The following LRGUK variants were observed in gnomAD, a reference collection of about 807,000 sequenced individuals.
LRGUK encodes leucine-rich repeat and guanylate kinase domain-containing protein.
Under a neutral mutation model 76.0 loss-of-function variants are expected in LRGUK, and 65 were observed. That is an observed-to-expected ratio of 0.85 (90% CI 0.70 to 1.05). The LOEUF is 1.05. Among genes scored for constraint, LRGUK ranks in the 50% least tolerant of loss-of-function variants. The probability of loss-of-function intolerance (pLI) is 0.00; values close to 1 mark genes in which losing one functional copy is unlikely to be tolerated. For synonymous variants in LRGUK, 268 were observed against 265.6 expected, an observed-to-expected ratio of 1.01 and a Z score of -0.09; for missense variants, 758 against 732.8, an observed-to-expected ratio of 1.03 and a Z score of -0.40.
intron 7 of LRGUK, among the ~76,000 whole-genome samples, chr7:134,174,181 G>A (rs1799384590): frequency 6.6e-6 from 1 of 151,972 alleles, no homozygotes; most frequent in Admixed American, 6.6e-5. Flanking sequence ...AAGGAAGTTG[G>A]GGGGCTGGAA....
chr7:134,262,896 G>A (rs543984846), intron 19 of LRGUK, among the ~76,000 whole-genome samples: 17 of 150,178 alleles, frequency 1.1e-4, no homozygotes, highest in Non-Finnish European at 2.5e-4. Context: ...ATTTGAACCC[G>A]GGAGGTGGAG....
rs2116942900 is a variant in LRGUK at position 134,165,689 on chromosome 7, C to A, written c.939+2149C>A. Among the ~76,000 whole-genome samples the A allele has an allele frequency of 2.6e-5, 4 of 152,238 alleles. No homozygotes were observed. In the Middle Eastern group the frequency reaches 0.014, roughly 518 times the overall value. ...TTGTTTCATACTAAGTTTCTGACAT[C>A]CAGTGTGTATTTTACACTTAAAGTA... On this transcript the variant is annotated intron_variant, in intron 7 of 15. Transcript: ENST00000645682.
At position 134,177,142 on chromosome 7, in the gene LRGUK, C is replaced by G. The variant is rs895693194; in HGVS notation, c.1107+79C>G. On this transcript the variant is annotated intron_variant, in intron 9 of 15. Coordinates refer to ENST00000645682, the Ensembl canonical transcript of LRGUK. ...AAGCTCGTGTTGCCTGCTGTGGAAG[C>G]AATATAATCAATAAATAAGACACAT... The G allele has an allele frequency of 1.9e-5, 14 of 750,082 alleles. No individual in the cohort carries two copies. In the Admixed American group the frequency reaches 2.9e-4, roughly 15 times the overall value. 46.5% of individuals were successfully genotyped at this position (750,082 alleles called of 1,614,324 possible). A position where few individuals can be genotyped will look rare whatever the true frequency, so the allele number is the denominator to read the frequency against.
chr7:134,128,952 T>C (rs1403272197), intron 1 of LRGUK, among the ~76,000 whole-genome samples: 1 of 152,242 alleles, frequency 6.6e-6, no homozygotes, highest in Admixed American at 6.5e-5. Flanking sequence ...AAGTTTTCTT[T>C]AGGTTTTTTC....
intron 13 of LRGUK, among the ~76,000 whole-genome samples, chr7:134,197,401 C>CA (rs1488009312): frequency 2.0e-5 from 3 of 152,216 alleles, no homozygotes; most frequent in African/African-American, 7.2e-5. Flanking sequence ...AGAAATTGCA[C>CA]AGATATTGTG....
chr7:134,246,944 T>C (rs1802317831), intron 16 of LRGUK, among the ~76,000 whole-genome samples: 1 of 152,314 alleles, frequency 6.6e-6, no homozygotes, highest in African/African-American at 2.4e-5. Flanking sequence ...CATCCTCTGT[T>C]ATTTATAAAA....
exon 7 of LRGUK, chr7:134,163,431 A>G: frequency 6.2e-7 from 1 of 1,613,668 alleles, no homozygotes; most frequent in Non-Finnish European, 8.5e-7. Context: ...ACAGGTTTGG[A>G]GGATCTGAAA....
chr7:134,190,402 C>T (rs1408119574), intron 11 of LRGUK, among the ~76,000 whole-genome samples: 1 of 152,098 alleles, frequency 6.6e-6, no homozygotes, highest in African/African-American at 2.4e-5. Flanking sequence ...GAGACAGAAT[C>T]TCACTATGTT....
At chr7:134,169,226 G>A (rs1799141733) in intron 7 of LRGUK, among the ~76,000 whole-genome samples, 1 of 151,360 alleles carries the variant, frequency 6.6e-6, no homozygotes, top group Non-Finnish European at 1.5e-5. Flanking sequence ...AGGTGAAGAT[G>A]GGGCAGAGAT....
At chr7:134,132,859 G>A (rs1393747749) in intron 1 of LRGUK, among the ~76,000 whole-genome samples, 1 of 152,224 alleles carries the variant, frequency 6.6e-6, no homozygotes, top group African/African-American at 2.4e-5. Flanking sequence ...GTTAACATCT[G>A]AGAGCTTCCG....
In LRGUK at chr7:134,209,366, C is replaced by T. The variant is rs1308165424; in HGVS notation, c.2503C>T (p.Gln835Ter). 5.0e-6 allele frequency: 2 copies of T among 399,108 alleles called. No individual in the cohort carries two copies. The highest frequency in any genetic ancestry group is 3.6e-5 in the East Asian group (1 of 28,056). The allele number at this position is 399,108 out of a possible 1,614,324, so 24.7% of individuals were successfully genotyped here. Residue 835 changes from glutamine (Q) to a stop codon, truncating the protein, a stop_gained, in exon 16 of 16, where the codon CAG becomes TAG. Transcript: ENST00000645682. LOFTEE classifies it low-confidence loss of function (END_TRUNC). ...AGATTCTTCCCACACTGACTTGGTG[C>T]AGAAACTTGCTGGCGATTCTCAGCA...
At chr7:134,181,522 TTTTG>T (rs3030441) in intron 10 of LRGUK, among the ~76,000 whole-genome samples, 150,718 of 151,674 alleles carry the variant, frequency 0.99, 74,895 homozygotes, top group Middle Eastern at 1. Context: ...GCGTAGTGTT[TTTTG>T]TTTGTTTGTT....
the LRGUK span, among the ~76,000 whole-genome samples, chr7:134,273,026 T>C: frequency 6.6e-6 from 1 of 152,160 alleles, no homozygotes; most frequent in Non-Finnish European, 1.5e-5. Flanking sequence ...GTCTTGAGTA[T>C]TGTCTATTTG....
intron 5 of LRGUK, among the ~76,000 whole-genome samples, chr7:134,156,765 T>A (rs1798477845): frequency 6.6e-6 from 1 of 152,208 alleles, no homozygotes; most frequent in African/African-American, 2.4e-5. Context: ...CTACAGTGTG[T>A]AGAGTGACTT....
downstream of LRGUK, among the ~76,000 whole-genome samples, chr7:134,268,716 T>C (rs1469319887): frequency 3.9e-5 from 4 of 103,066 alleles, no homozygotes; most frequent in African/African-American, 1.5e-4. Flanking sequence ...ATGCAAAAAA[T>C]CTTTTTTTTT....
In LRGUK at chr7:134,216,629, A is replaced by G. The variant is rs75342466; in HGVS notation, c.1844-5150A>G. On this transcript the variant is annotated intron_variant, in intron 15 of 19. Coordinates refer to the LRGUK transcript ENST00000285928. ...TATGATTTCATTATTGATAAAATCA[A>G]GATCATTTATATTCTGGGTTTCAGA... Among the ~76,000 whole-genome samples, 7 of 152,302 alleles carry G rather than the reference A, an allele frequency of 4.6e-5. No individual in the cohort carries two copies. In the East Asian group the frequency reaches 1.3e-3, roughly 29 times the overall value.
intron 15 of LRGUK, among the ~76,000 whole-genome samples, chr7:134,217,260 G>A (rs1221367172): frequency 6.7e-6 from 1 of 150,002 alleles, no homozygotes; most frequent in Non-Finnish European, 1.5e-5. Context: ...CTCCACTGAA[G>A]ACATTACAAT....
intron 11 of LRGUK, among the ~76,000 whole-genome samples, chr7:134,186,406 G>T (rs886426998): frequency 2.6e-5 from 4 of 152,168 alleles, no homozygotes; most frequent in African/African-American, 9.7e-5. Flanking sequence ...AGCCCATTGA[G>T]GGCAGGGCGC....
chr7:134,215,270 A>T (rs1375326413), intron 15 of LRGUK, among the ~76,000 whole-genome samples: 1 of 151,888 alleles, frequency 6.6e-6, no homozygotes, highest in Non-Finnish European at 1.5e-5. Flanking sequence ...GACAACTCTG[A>T]TATTTTCTAT....
Sources: allele counts gnomAD v4.1 joint callset (sites outside exome capture counted in the v4.1 genomes callset), GRCh38; gene constraint gnomAD v4.1.1; transcripts MANE v1.5; gene names NCBI Gene and HGNC (gene_info 2026-07-23, HGNC 2026-07-21).